JAKMIP3: variants seen among roughly 807,000 people sequenced by gnomAD.
The protein encoded by JAKMIP3 is janus kinase and microtubule-interacting protein 3.
JAKMIP3 carries 58 observed loss-of-function variants against 118.5 expected under a neutral mutation model. That is an observed-to-expected ratio of 0.49 (90% CI 0.40 to 0.61). The LOEUF (loss-of-function observed/expected upper bound fraction) is 0.61, where lower values mean the gene tolerates loss of function less well. Among genes scored for constraint, JAKMIP3 ranks in the 20% least tolerant of loss-of-function variants. The pLI is 0.00. For synonymous variants in JAKMIP3, 486 were observed against 451.2 expected, an observed-to-expected ratio of 1.08 and a Z score of -0.98; for missense variants, 950 against 1,109.0, an observed-to-expected ratio of 0.86 and a Z score of 2.04.
At chr10:132,143,155 G>A (rs2053906489) in intron 11 of JAKMIP3, among the ~76,000 whole-genome samples, 1 of 151,892 alleles carries the variant, frequency 6.6e-6, no homozygotes, top group Non-Finnish European at 1.5e-5. Flanking sequence ...GGTGGGGGGG[G>A]CTGGCCTTGG....
At chr10:132,122,283 C>T (rs2048697738) in intron 3 of JAKMIP3, among the ~76,000 whole-genome samples, 1 of 152,118 alleles carries the variant, frequency 6.6e-6, no homozygotes. Flanking sequence ...GCTGTTGGGG[C>T]CCTGACTGCC....
At chr10:132,098,772 G>A (rs34011522) in intron 1 of JAKMIP3, among the ~76,000 whole-genome samples, 94,272 of 151,954 alleles carry the variant, frequency 0.62, 29,408 homozygotes, top group East Asian at 0.71. Context: ...GCAGTGAGGA[G>A]GGGGCTCTTT....
intron 1 of JAKMIP3, among the ~76,000 whole-genome samples, chr10:132,038,966 T>G (rs369393008): frequency 6.6e-6 from 1 of 151,850 alleles, no homozygotes; most frequent in Non-Finnish European, 1.5e-5. Context: ...CAGAGGCAGG[T>G]GGAGGCCACA....
intron 1 of JAKMIP3, among the ~76,000 whole-genome samples, chr10:132,057,360 G>A (rs182707188): frequency 3.7e-4 from 57 of 152,334 alleles, no homozygotes; most frequent in African/African-American, 1.3e-3. Flanking sequence ...CAGGCTTTGC[G>A]TGCATGAAAG....
At chr10:132,045,208 C>T (rs56087215) in intron 1 of JAKMIP3, among the ~76,000 whole-genome samples, 184 of 152,264 alleles carry the variant, frequency 1.2e-3, no homozygotes, top group African/African-American at 4.2e-3. Flanking sequence ...GTTTTGATCC[C>T]GGCCATCCTC....
chr10:132,146,812 G>A (rs1173250293), intron 13 of JAKMIP3, among the ~76,000 whole-genome samples: 1 of 152,212 alleles, frequency 6.6e-6, no homozygotes, highest in Non-Finnish European at 1.5e-5. Context: ...GTGGACACAC[G>A]GAACATCTCT....
At chr10:132,135,830 G>C in intron 5 of JAKMIP3, 100 bp from the exon 6 acceptor site, 5 of 1,295,060 alleles carry the variant, frequency 3.9e-6, no homozygotes, top group Non-Finnish European at 4.2e-6. Flanking sequence ...TGGGGACTGC[G>C]TTGTTGCAGC....
chr10:132,159,686 G>A (rs2057728320), intron 19 of JAKMIP3, among the ~76,000 whole-genome samples: 1 of 108,732 alleles, frequency 9.2e-6, no homozygotes, highest in Non-Finnish European at 1.8e-5. Flanking sequence ...CTCCCTATGT[G>A]ATGCTCAGGG....
chr10:132,180,644 T>TATGTGCGC (rs2060941290), intron 23 of JAKMIP3, among the ~76,000 whole-genome samples: 2 of 24,298 alleles, frequency 8.2e-5, no homozygotes, highest in Admixed American at 1.0e-3. Context: ...CGTGCGTGTG[T>TATGTGCGC]GCGTGTGCGT....
In JAKMIP3 at chr10:132,184,770, AATT is replaced by A. The variant is rs1287524148; in HGVS notation, c.*3521_*3523del. Reference sequence around the variant, plus strand: ...CCAGAGAATTTTTTACTCGTTTGTAAATTATTGTACAGTTTTAATAAAAAATGT... The same window carrying A: ...CCAGAGAATTTTTTACTCGTTTGTAAATTGTACAGTTTTAATAAAAAATGT... On this transcript the variant is annotated 3_prime_UTR_variant, in exon 24 of 24. Coordinates refer to ENST00000684848, the MANE Select transcript of JAKMIP3 (RefSeq NM_001323087.2). 1 of 152,190 alleles carries A rather than the reference AATT, an allele frequency of 6.6e-6. No homozygotes were observed. The highest frequency in any genetic ancestry group is 1.5e-5 in the Non-Finnish European group (1 of 68,046). The allele number at this position is 152,190 out of a possible 1,614,324, so 9.4% of individuals were successfully genotyped here.
Position 132,104,709 on chromosome 10 carries a change from A to G in JAKMIP3, c.-100A>G. 1 of 1,229,410 alleles carries G rather than the reference A, an allele frequency of 8.1e-7. No homozygotes were observed. The highest frequency in any genetic ancestry group is 1.1e-6 in the Non-Finnish European group (1 of 874,350). The allele number at this position is 1,229,410 out of a possible 1,614,324, so 76.2% of individuals were successfully genotyped here. ...ATGTAGTGTGACAGCAGCCCGGGTGACACCTGCTGGGAGCTTGGCGTGGAC... is the reference window on the plus strand; with the variant it reads ...ATGTAGTGTGACAGCAGCCCGGGTGGCACCTGCTGGGAGCTTGGCGTGGAC... On this transcript the variant is annotated 5_prime_UTR_variant, in exon 2 of 24. Transcript: ENST00000684848.
chr10:132,061,815 C>T (rs1044405796), upstream of JAKMIP3, among the ~76,000 whole-genome samples: 1 of 152,102 alleles, frequency 6.6e-6, no homozygotes, highest in Non-Finnish European at 1.5e-5. Context: ...TCTTAAGAAA[C>T]AAAAACATAA....
At chr10:132,119,929 A>G (rs1394396256) in intron 3 of JAKMIP3, among the ~76,000 whole-genome samples, 1 of 152,218 alleles carries the variant, frequency 6.6e-6, no homozygotes, top group Admixed American at 6.5e-5. Context: ...TTCCTGCCTG[A>G]CAAAACCCAT....
At chr10:132,116,935 G>A (rs1367383273) in intron 2 of JAKMIP3, 142 bp from the exon 3 acceptor site, 1 of 904,304 alleles carries the variant, frequency 1.1e-6, no homozygotes, top group Non-Finnish European at 1.6e-6. Flanking sequence ...AGGTGTGAGT[G>A]TGTGCAACGT....
intron 1 of JAKMIP3, among the ~76,000 whole-genome samples, chr10:132,072,451 C>G (rs141241659): frequency 0.015 from 2,347 of 152,178 alleles, 68 homozygotes; most frequent in African/African-American, 0.053. Flanking sequence ...TGGAGGATCA[C>G]TTGATCCCAG....
In JAKMIP3 at chr10:132,178,000, G is replaced by T. The variant is rs371924385; in HGVS notation, c.*1104-4357G>T. Among the ~76,000 whole-genome samples the T allele has an allele frequency of 3.6e-4, 54 of 151,984 alleles. No individual in the cohort carries two copies. The East Asian group carries it at 6.6e-3, about 19-fold the overall frequency. On this transcript the variant is annotated intron_variant, in intron 23 of 23. Transcript: ENST00000684848. ...CTCTTGTGCCCTGGGTAGTGTGTGTGTCTGTGCACACTGTGCATTTGGTTG... is the reference window on the plus strand; with the variant it reads ...CTCTTGTGCCCTGGGTAGTGTGTGTTTCTGTGCACACTGTGCATTTGGTTG...
intron 1 of JAKMIP3, among the ~76,000 whole-genome samples, chr10:132,069,605 A>G (rs1318017552): frequency 1.3e-5 from 2 of 151,200 alleles, no homozygotes; most frequent in Admixed American, 6.6e-5. Flanking sequence ...CTCTGTGGTC[A>G]ACCTCCTGTT....
intron 1 of JAKMIP3, among the ~76,000 whole-genome samples, chr10:132,097,665 T>C (rs4880329): frequency 0.61 from 92,421 of 151,130 alleles, 28,477 homozygotes; most frequent in East Asian, 0.71. Flanking sequence ...ATGTTCTCAT[T>C]GGGGGAAATA....
chr10:132,136,105 A>G, intron 6 of JAKMIP3, 29 bp downstream of exon 6: 1 of 1,609,794 alleles, frequency 6.2e-7, no homozygotes, highest in Non-Finnish European at 8.5e-7. Flanking sequence ...CCACGGGGCC[A>G]CGGTCGCACC....
Sources: allele counts gnomAD v4.1 joint callset (sites outside exome capture counted in the v4.1 genomes callset), GRCh38; gene constraint gnomAD v4.1.1; transcripts MANE v1.5; gene names NCBI Gene and HGNC (gene_info 2026-07-23, HGNC 2026-07-21).